SERF2: variants seen among roughly 807,000 people sequenced by gnomAD.
The protein encoded by SERF2 is gastric cancer-related protein VRG107.
In SERF2, 4 loss-of-function variants were observed where a neutral mutation model predicts 10.7. The observed-to-expected ratio is 0.37, with a 90% confidence interval of 0.18 to 0.86. SERF2 has a LOEUF of 0.86. SERF2 is among the 40% of genes least tolerant of loss of function. The pLI, the probability that SERF2 is intolerant of heterozygous loss-of-function variation, is 0.43. For synonymous variants in SERF2, 26 were observed against 26.0 expected, an observed-to-expected ratio of 1.00 and a Z score of 0.01; for missense variants, 47 against 79.1, an observed-to-expected ratio of 0.59 and a Z score of 1.54.
intron 2 of SERF2, 153 bp downstream of exon 2, chr15:43,793,236 C>T (rs2087113449): frequency 1.7e-6 from 1 of 603,866 alleles, no homozygotes; most frequent in East Asian, 2.8e-5. Context: ...CCTCCCCACC[C>T]TCCAAATTGT....
Position 43,793,950 on chromosome 15 carries a change from C to T in SERF2, c.*177C>T. The stretch of plus-strand genomic sequence containing the variant: ...CCTTCCCCTCAGGTAGCCTCTCTCC[C>T]CCTGGGCCACTCCCGGGGGTGAGGG... On this transcript the variant is annotated 3_prime_UTR_variant, in exon 3 of 3. Coordinates refer to ENST00000249786, the MANE Select transcript of SERF2 (RefSeq NM_001018108.4). The T allele has an allele frequency of 6.5e-7, 1 of 1,549,582 alleles. No individual in the cohort carries two copies. The highest frequency in any genetic ancestry group is 8.7e-7 in the Non-Finnish European group (1 of 1,146,490).
intron 1 of SERF2, among the ~76,000 whole-genome samples, chr15:43,783,753 CCAT>C (rs1259460651): frequency 1.3e-5 from 2 of 151,678 alleles, no homozygotes; most frequent in African/African-American, 4.8e-5. Flanking sequence ...GCACACACCA[CCAT>C]ATCTGGCTAA....
At position 43,792,997 on chromosome 15, in the gene SERF2, C is replaced by T. The variant is rs1438718452; in HGVS notation, c.30C>T (p.Ala10=). 3 of 1,611,472 alleles carry T rather than the reference C, an allele frequency of 1.9e-6. No homozygotes were observed. Among genetic ancestry groups the T allele is most frequent in the Non-Finnish European group, 8.5e-7 (1 of 1,178,232 alleles). MTRGNQREL[A]RQKNMKKQSD... ...TAGGCGGTAACCAGCGTGAGCTCGCCCGCCAGAAGAATATGAAAAAGCAGA... is the reference window on the plus strand; with the variant it reads ...TAGGCGGTAACCAGCGTGAGCTCGCTCGCCAGAAGAATATGAAAAAGCAGA... Residue 10 remains alanine (A), a synonymous_variant, in exon 2 of 3, where the codon GCC becomes GCT. Coordinates refer to ENST00000249786, the MANE Select transcript of SERF2 (RefSeq NM_001018108.4).
intron 1 of SERF2, 139 bp from the exon 2 acceptor site, chr15:43,792,836 C>G: frequency 1.4e-6 from 1 of 721,368 alleles, no homozygotes; most frequent in Non-Finnish European, 2.3e-6. Context: ...CCCAAGCAGC[C>G]TGGGCCTCGA....
chr15:43,792,449 C>T (rs2087083761), intron 1 of SERF2, 66 bp downstream of exon 1: 3 of 1,613,192 alleles, frequency 1.9e-6, no homozygotes, highest in Non-Finnish European at 2.5e-6. Flanking sequence ...ACCGGCGAGG[C>T]GCCGGCTTTG....
chr15:43,786,323 GA>G lies in SERF2; in HGVS notation c.-402+790del, dbSNP rs547580327. Reference sequence around the variant, plus strand: ...CCAGCTACTTGGGAGGCTGAGGCAGGAGAATGGTATGAGCCCAGGAGGCGGA... The same window carrying G: ...CCAGCTACTTGGGAGGCTGAGGCAGGGAATGGTATGAGCCCAGGAGGCGGA... On this transcript the variant is annotated intron_variant, in intron 2 of 4. Transcript: ENST00000381359. Among the ~76,000 whole-genome samples the G allele has an allele frequency of 4.2e-3, 639 of 150,548 alleles. 5 individuals are homozygous for G. Among genetic ancestry groups the G allele is most frequent in the African/African-American group, 0.015 (609 of 40,782 alleles).
rs960496411 is a variant in SERF2 at position 43,792,478 on chromosome 15, A to G, written c.7+95A>G. The G allele has an allele frequency of 6.9e-6, 11 of 1,604,588 alleles. No homozygotes were observed. The African/African-American group carries it at 1.3e-4, about 20-fold the overall frequency. Reference sequence around the variant, plus strand: ...GGCTTTGACCTTCCGTAGCTTCCCTAGCAAGGCGTTTCTCTGGGCGCGCTC... The same window carrying G: ...GGCTTTGACCTTCCGTAGCTTCCCTGGCAAGGCGTTTCTCTGGGCGCGCTC... On this transcript the variant is annotated intron_variant, in intron 1 of 2. Transcript: ENST00000249786.
upstream of SERF2, among the ~76,000 whole-genome samples, chr15:43,791,196 C>T (rs1402780628): frequency 6.6e-6 from 1 of 152,106 alleles, no homozygotes. Context: ...GCCTCAGCCT[C>T]CTGAGTAGCT....
At chr15:43,791,265 G>C (rs1407404456), upstream of SERF2, among the ~76,000 whole-genome samples, 1 of 149,836 alleles carries the variant, frequency 6.7e-6, no homozygotes, top group Middle Eastern at 3.5e-3. Context: ...TTTTTTAGAC[G>C]GGATCTCGCA....
chr15:43,792,599 G>T, intron 1 of SERF2: 1 of 1,442,908 alleles, frequency 6.9e-7, no homozygotes, highest in South Asian at 1.4e-5. Context: ...GGCCCTCCCG[G>T]ATCTTCCGCG....
rs2141683646 is a variant in SERF2 at position 43,793,910 on chromosome 15, G to T, written c.*137G>T. The T allele has an allele frequency of 6.3e-7, 1 of 1,577,968 alleles. No homozygotes were observed. The highest frequency in any genetic ancestry group is 1.1e-5 in the South Asian group (1 of 87,944). The stretch of plus-strand genomic sequence containing the variant: ...TCCCTTTGCCCTGAGTCTGCAGCGG[G>T]TCCCTTTTGTGCTTCCTTCCCCTCA... On this transcript the variant is annotated 3_prime_UTR_variant, in exon 3 of 3. Transcript: ENST00000249786.
intron 2 of SERF2, among the ~76,000 whole-genome samples, chr15:43,785,709 T>TC (rs1241479908): frequency 3.5e-4 from 52 of 148,996 alleles, no homozygotes; most frequent in East Asian, 1.8e-3. Flanking sequence ...TTTTTCTTTT[T>TC]TTTTTTTTTT....
intron 1 of SERF2, among the ~76,000 whole-genome samples, chr15:43,779,931 C>T (rs1388574578): frequency 1.3e-5 from 2 of 152,154 alleles, no homozygotes; most frequent in African/African-American, 4.8e-5. Flanking sequence ...TTTCATTTTA[C>T]ATTACAAGTG....
At position 43,780,440 on chromosome 15, in the gene SERF2, C is replaced by A. The variant is rs566842597; in HGVS notation, c.-527+2938C>A. Among the ~76,000 whole-genome samples, 4 of 152,320 alleles carry A rather than the reference C, an allele frequency of 2.6e-5. No individual in the cohort carries two copies. The East Asian group carries it at 5.8e-4, about 22-fold the overall frequency. On this transcript the variant is annotated intron_variant, in intron 1 of 4. Transcript: ENST00000381359. ...TACAGGCGTCAGCCACCGCGCCCTG[C>A]GATCTTGACTGTTTTTAAGTGTATG...
intron 1 of SERF2, among the ~76,000 whole-genome samples, chr15:43,783,272 C>T (rs2086979102): frequency 6.6e-6 from 1 of 152,042 alleles, no homozygotes; most frequent in South Asian, 2.1e-4. Flanking sequence ...TCCCAAAGTG[C>T]TGGGATTACA....
intron 1 of SERF2, 152 bp from the exon 2 acceptor site, chr15:43,792,822 CT>C: frequency 4.3e-6 from 3 of 695,834 alleles, no homozygotes; most frequent in Non-Finnish European, 7.2e-6. Context: ...CCACTCCCCC[CT>C]ACCCCAAGCA....
Position 43,795,343 on chromosome 15 carries a change from ATAGC to A in SERF2, c.*1576_*1579del, listed in dbSNP as rs1484317774. On this transcript the variant is annotated 3_prime_UTR_variant, in exon 3 of 3. Coordinates refer to ENST00000249786, the MANE Select transcript of SERF2 (RefSeq NM_001018108.4). Reference sequence around the variant, plus strand: ...GGCCTTGAATTGCTCTTTCCTTAAAATAGCTAGCTCTTCAGGAGAGTATCTAAGG... The same window carrying A: ...GGCCTTGAATTGCTCTTTCCTTAAAATAGCTCTTCAGGAGAGTATCTAAGG... The A allele has an allele frequency of 1.3e-5, 21 of 1,610,618 alleles. No homozygotes were observed. Among genetic ancestry groups the A allele is most frequent in the Non-Finnish European group, 1.8e-5 (21 of 1,177,092 alleles).
chr15:43,790,746 G>A (rs546219495), upstream of SERF2, among the ~76,000 whole-genome samples: 9 of 151,700 alleles, frequency 5.9e-5, no homozygotes, highest in East Asian at 5.8e-4. Flanking sequence ...TCCAGCTTGG[G>A]TGTCTCTTAT....
At chr15:43,778,553 A>G (rs1173577874) in intron 1 of SERF2, among the ~76,000 whole-genome samples, 1 of 135,676 alleles carries the variant, frequency 7.4e-6, no homozygotes, top group Non-Finnish European at 1.6e-5. Context: ...AAAGAAAAAA[A>G]GGCCAGGCGC....
Sources: gnomAD v4.1 joint callset for allele counts (sites outside exome capture counted in the v4.1 genomes callset) on GRCh38, gnomAD v4.1.1 for gene constraint, MANE v1.5 for transcripts, NCBI Gene and HGNC (gene_info 2026-07-23, HGNC 2026-07-21) for gene names.